Variants in COL6A3 observed in about 807,000 individuals in gnomAD.
COL6A3 encodes the protein collagen alpha-3(VI) chain.
Under a neutral mutation model 274.1 loss-of-function variants are expected in COL6A3, and 137 were observed. The ratio of observed to expected loss-of-function variants is 0.50; its 90% CI spans 0.44 to 0.58. The LOEUF is 0.58. Ranked by LOEUF, COL6A3 falls within the 20% of genes least tolerant of loss-of-function variation. The probability of loss-of-function intolerance (pLI) is 0.00; values close to 1 mark genes in which losing one functional copy is unlikely to be tolerated. For synonymous variants in COL6A3, 1,650 were observed against 1,650.6 expected, an observed-to-expected ratio of 1.00 and a Z score of 0.01; for missense variants, 3,950 against 4,124.9, an observed-to-expected ratio of 0.96 and a Z score of 1.16.
intron 3 of COL6A3, among the ~76,000 whole-genome samples, chr2:237,390,691 G>A (rs942200653): frequency 2.6e-5 from 4 of 152,166 alleles, no homozygotes; most frequent in African/African-American, 7.2e-5. Flanking sequence ...TGGGCACAAT[G>A]CCTTTCTTAG....
Position 237,368,303 on chromosome 2 carries a change from A to G in COL6A3, c.4900+260T>C, listed in dbSNP as rs1277256046. On this transcript the variant is annotated intron_variant, in intron 10 of 43. Transcript: ENST00000295550. This position sits in a 1 kb window ranked among gnomAD's most constrained non-coding sequence, Gnocchi z 4.4. ...AGATGCCATCCTATTCTGAGAGCCA[A>G]TGAGTTTGTAATTATCTCAGTGCAA... Among the ~76,000 whole-genome samples, 2 of 152,210 alleles carry G rather than the reference A, an allele frequency of 1.3e-5. No homozygotes were observed. The highest frequency in any genetic ancestry group is 6.5e-5 in the Admixed American group (1 of 15,282).
In COL6A3 at chr2:237,381,486, G is replaced by T; in HGVS notation, c.1326C>A (p.Asn442Lys). 6.2e-7 allele frequency: 1 copy of T among 1,603,046 alleles called. No individual in the cohort carries two copies. The highest frequency in any genetic ancestry group is 1.3e-5 in the African/African-American group (1 of 75,032). Residue 442 changes from asparagine (N) to lysine (K), a missense_variant, in exon 5 of 44, where the codon AAC becomes AAA. Asn to Lys is a moderately conservative substitution (Grantham distance 94). Transcript: ENST00000295550. Reference protein sequence around the residue: ...PTIVTQVIEVNKRDIVFLVDG... With the variant: ...PTIVTQVIEVKKRDIVFLVDG... ...CCACCAGGAAGACTATGTCTCTCTT[G>T]TTGACTTCAATGACTGTAGGTGGCA...
rs1314959942 is a variant in COL6A3 at position 237,350,169 on chromosome 2, T to C, written c.6857A>G (p.Asn2286Ser). 1.9e-6 allele frequency: 3 copies of C among 1,614,124 alleles called. No individual in the cohort carries two copies. Among genetic ancestry groups the C allele is most frequent in the Non-Finnish European group, 1.7e-6 (2 of 1,180,004 alleles). ...TACCGTCTCCCCACGAGGGCCCCGG[T>C]TCCCGATTCCTCCTTTTGGTCCTGG... Reference protein sequence around the residue: ...GEPGPKGGIGNRGPRGETGDD... With the variant: ...GEPGPKGGIGSRGPRGETGDD... Residue 2286 changes from asparagine to serine, a missense_variant, in exon 28 of 44, where the codon AAC becomes AGC. Coordinates refer to ENST00000295550, the MANE Select transcript of COL6A3 (RefSeq NM_004369.4).
intron 6 of COL6A3, among the ~76,000 whole-genome samples, chr2:237,377,565 C>T (rs181379482): frequency 2.0e-5 from 3 of 152,310 alleles, no homozygotes; most frequent in African/African-American, 7.2e-5. Flanking sequence ...AACAGCCTAT[C>T]CCATCTAGCA....
rs547293364 is a variant in COL6A3 at position 237,380,832 on chromosome 2, C to G, written c.1897+83G>C. On this transcript the variant is annotated intron_variant, in intron 5 of 43. Transcript: ENST00000295550. The stretch of plus-strand genomic sequence containing the variant: ...TCATTTGTTGTCTCTTAGCTAAACA[C>G]AAACACACTTCATTTTGTTTTGTTC... The G allele has an allele frequency of 9.1e-5, 117 of 1,279,606 alleles. 4 individuals are homozygous for G. In the South Asian group the frequency reaches 1.5e-3, roughly 16 times the overall value. 79.3% of individuals were successfully genotyped at this position (1,279,606 alleles called of 1,614,324 possible).
intron 36 of COL6A3, chr2:237,342,442 T>C (rs2077007052): frequency 4.5e-6 from 2 of 448,882 alleles, no homozygotes; most frequent in Admixed American, 6.9e-5. Context: ...CCTAATGGTG[T>C]CATTTGGAGG....
rs2077367067 is a variant in COL6A3, at chr2:237,358,536, C to T, written c.6456G>A (p.Gly2152=). ...RGEKGERGDV[G]IRGDPGNPGQ... is the part of the protein sequence containing the mutation. ...AAATCTTTACCGGGTCCCCTCGAAT[C>T]CCAACATCTCCTCTTTCTCCTTTCT... Residue 2152 remains glycine, a synonymous_variant, in exon 21 of 44, where the codon GGG becomes GGA. Coordinates refer to ENST00000295550, the MANE Select transcript of COL6A3 (RefSeq NM_004369.4). 1 of 1,614,038 alleles carries T rather than the reference C, an allele frequency of 6.2e-7. No individual in the cohort carries two copies. The highest frequency in any genetic ancestry group is 8.5e-7 in the Non-Finnish European group (1 of 1,179,884).
chr2:237,384,759 GC>G (rs2078102148), intron 4 of COL6A3, among the ~76,000 whole-genome samples: 1 of 152,034 alleles, frequency 6.6e-6, no homozygotes. Context: ...TCAGAGGAGA[GC>G]CCCTGCCCCC....
At chr2:237,334,196 G>A (rs974586202) in intron 41 of COL6A3, among the ~76,000 whole-genome samples, 11 of 152,182 alleles carry the variant, frequency 7.2e-5, no homozygotes, top group African/African-American at 2.7e-4. Context: ...CCCCGGGGCG[G>A]TGAGACTTCA....
Position 237,374,420 on chromosome 2 carries a change from G to T in COL6A3, c.3671C>A (p.Pro1224Gln). The change falls in exon 8 of 44, where the codon CCG becomes CAG. Residue 1224 changes from proline (P) to glutamine (Q), a missense_variant. This residue lies in a region of COL6A3 where 1,934 missense variants were observed against 1,984.3 expected (regional missense o/e 0.97). Coordinates refer to ENST00000295550, the MANE Select transcript of COL6A3 (RefSeq NM_004369.4). This position sits in a 1 kb window ranked among gnomAD's most constrained non-coding sequence, Gnocchi z 4.8. ...AAGAGTTCCCTGCGTACCTGGGCTCGGTAGAGGCTGCAACACCGGCTGCAG... is the reference window on the plus strand; with the variant it reads ...AAGAGTTCCCTGCGTACCTGGGCTCTGTAGAGGCTGCAACACCGGCTGCAG... Reference protein sequence around the residue: ...SRLQPVLQPLPSPGVGGKRDV... With the variant: ...SRLQPVLQPLQSPGVGGKRDV... 1 of 1,612,762 alleles carries T rather than the reference G, an allele frequency of 6.2e-7. No individual in the cohort carries two copies. The highest frequency in any genetic ancestry group is 8.5e-7 in the Non-Finnish European group (1 of 1,179,936).
Position 237,337,630 on chromosome 2 carries a change from A to C in COL6A3, c.8568-1098T>G, listed in dbSNP as rs138650113. 3.3e-5 allele frequency among the ~76,000 whole-genome samples: 5 copies of C among 152,360 alleles called. No homozygotes were observed. The East Asian group carries it at 9.6e-4, about 29-fold the overall frequency. Reference sequence around the variant, plus strand: ...CATCTCATCTGTGTACGAAGTTCAGAATCTGCAGAATCTGCACTTCCCTCC... The same window carrying C: ...CATCTCATCTGTGTACGAAGTTCAGCATCTGCAGAATCTGCACTTCCCTCC... On this transcript the variant is annotated intron_variant, in intron 39 of 43. Coordinates refer to ENST00000295550, the MANE Select transcript of COL6A3 (RefSeq NM_004369.4).
Position 237,372,246 on chromosome 2 carries a change from C to T in COL6A3, c.3771G>A (p.Arg1257=). The T allele has an allele frequency of 2.5e-6, 4 of 1,613,978 alleles. No individual in the cohort carries two copies. The highest frequency in any genetic ancestry group is 3.4e-6 in the Non-Finnish European group (4 of 1,180,044). The stretch of plus-strand genomic sequence containing the variant: ...AGCCCACGTCCAGGTAGTCAACCAG[C>T]CTCTCTATGAGGGTGCGAACGTACT... The part of the protein sequence containing the change: ...EFQYVRTLIE[R]LVDYLDVGFD... The change falls in exon 9 of 44, where the codon AGG becomes AGA. Residue 1257 remains arginine (R), a synonymous_variant. Transcript: ENST00000295550.
rs1437538343 is a variant in COL6A3 at position 237,332,113 on chromosome 2, A to ATGTG, written c.9328+1336_9328+1337insCACA. Among the ~76,000 whole-genome samples the ATGTG allele has an allele frequency of 6.1e-4, 57 of 93,922 alleles. 3 individuals carry two copies. Among genetic ancestry groups the ATGTG allele is most frequent in the African/African-American group, 2.3e-3 (52 of 22,978 alleles). 61.6% of individuals were successfully genotyped at this position (93,922 alleles called of 152,430 possible). ...TATATATATATATATATATATATAT[A>ATGTG]TATATGAAAAGAAAAACAAAACAGC... On this transcript the variant is annotated intron_variant, in intron 42 of 43. Coordinates refer to ENST00000295550, the MANE Select transcript of COL6A3 (RefSeq NM_004369.4).
intron 12 of COL6A3, among the ~76,000 whole-genome samples, chr2:237,365,071 C>G (rs1036720127): frequency 6.7e-6 from 1 of 148,724 alleles, no homozygotes; most frequent in Non-Finnish European, 1.5e-5. Context: ...TTAATGAGAT[C>G]TTTAGAGTGA....
rs2078401598 is a variant in COL6A3 at position 237,395,122 on chromosome 2, A to G, written c.174T>C (p.Val58=). 1 of 1,614,072 alleles carries G rather than the reference A, an allele frequency of 6.2e-7. No homozygotes were observed. The highest frequency in any genetic ancestry group is 8.5e-7 in the Non-Finnish European group (1 of 1,180,010). ...WTIGEEHFQL[V]REFLYDVVKS... is the part of the protein sequence containing the mutation. ...TTACAACATCATATAGAAACTCTCG[A>G]ACAAGTTGGAAATGTTCCTCTCCAA... Residue 58 remains valine (V), a synonymous_variant, in exon 3 of 44, where the codon GTT becomes GTC. Transcript: ENST00000295550.
chr2:237,389,425 G>A (rs1326330491), intron 3 of COL6A3, among the ~76,000 whole-genome samples: 1 of 151,958 alleles, frequency 6.6e-6, no homozygotes, highest in East Asian at 1.9e-4. Flanking sequence ...CTACACTCAG[G>A]GTATCATTTT....
At chr2:237,339,937 A>C (rs1395977892) in intron 38 of COL6A3, among the ~76,000 whole-genome samples, 2 of 152,154 alleles carry the variant, frequency 1.3e-5, no homozygotes, top group Non-Finnish European at 1.5e-5. Flanking sequence ...TTTGAAGATG[A>C]ATATGGGTTT....
intron 14 of COL6A3, among the ~76,000 whole-genome samples, chr2:237,362,251 C>A (rs10202497): frequency 0.16 from 23,791 of 152,162 alleles, 2,067 homozygotes; most frequent in African/African-American, 0.23. Context: ...CATGACCACC[C>A]TTCCTTGGAA....
At chr2:237,382,873 C>T (rs1363582814) in intron 4 of COL6A3, among the ~76,000 whole-genome samples, 6 of 152,122 alleles carry the variant, frequency 3.9e-5, no homozygotes, top group South Asian at 2.1e-4. Flanking sequence ...CTGCAACCTC[C>T]GCTTCCTGGG....
Sources: allele counts gnomAD v4.1 joint callset (sites outside exome capture counted in the v4.1 genomes callset), GRCh38; gene constraint gnomAD v4.1.1; regional missense constraint gnomAD v4.1.1; non-coding constraint Gnocchi (gnomAD v3.1); transcripts MANE v1.5; gene names NCBI Gene and HGNC (gene_info 2026-07-23, HGNC 2026-07-21).